FER1L5: variants seen among roughly 807,000 people sequenced by gnomAD.
FER1L5 encodes fer-1-like protein 5.
A neutral mutation model predicts 279.9 loss-of-function variants in FER1L5; 187 were observed. The observed-to-expected ratio is 0.67, with a 90% CI of 0.59 to 0.75. The LOEUF is 0.75. FER1L5 is among the 30% of genes least tolerant of loss of function. FER1L5 has a pLI of 0.00. For missense variants in FER1L5, 2,091 were observed against 2,594.4 expected (o/e 0.81, Z 4.21); for synonymous variants, 921 against 989.7 (o/e 0.93, Z 1.30).
intron 18 of FER1L5, among the ~76,000 whole-genome samples, chr2:96,671,666 A>G (rs2076333929): frequency 6.6e-6 from 1 of 152,214 alleles, no homozygotes; most frequent in African/African-American, 2.4e-5. Context: ...TTGCCTGAGG[A>G]GAGTAGGTGG....
At chr2:96,662,352 C>CCA (rs2075985073) in intron 13 of FER1L5, 85 bp downstream of exon 13, 5 of 1,238,486 alleles carry the variant, frequency 4.0e-6, no homozygotes. Context: ...GTGGGCAAGA[C>CCA]CACAGGAATC....
rs1239430867 is a variant in FER1L5 at position 96,691,254 on chromosome 2, G to T, written c.2808G>T (p.Lys936Asn). 3 of 1,550,336 alleles carry T rather than the reference G, an allele frequency of 1.9e-6. No individual in the cohort carries two copies. The highest frequency in any genetic ancestry group is 2.6e-6 in the Non-Finnish European group (3 of 1,146,892). ...GLPQVWSPVE[K>N]TYHSCRRRRW... ...CCCAGGTCTGGAGCCCGGTGGAGAA[G>T]ACCTACCACTCGTGCCGCCGCCGGC... Residue 936 changes from lysine (K) to asparagine (N), a missense_variant, in exon 28 of 53, where the codon AAG (lysine) becomes AAT (asparagine). Coordinates refer to ENST00000624922, the MANE Select transcript of FER1L5 (RefSeq NM_001293083.2). The surrounding 1 kb of genome is among the most constrained non-coding windows in gnomAD (Gnocchi z 6.0).
chr2:96,646,485 TAAC>T (rs776697779), intron 2 of FER1L5, 32 bp downstream of exon 2: 24 of 1,550,134 alleles, frequency 1.5e-5, no homozygotes, highest in South Asian at 2.4e-5. Context: ...GAAGAGGAAA[TAAC>T]AACCCCAACA....
At chr2:96,677,707 A>C (rs966867837) in intron 19 of FER1L5, among the ~76,000 whole-genome samples, 4 of 152,076 alleles carry the variant, frequency 2.6e-5, no homozygotes, top group Non-Finnish European at 5.9e-5. Context: ...CTCTACTAAA[A>C]ATACAAAATT....
intron 9 of FER1L5, among the ~76,000 whole-genome samples, chr2:96,659,345 C>CTTTT (rs1558853269): frequency 4.8e-5 from 4 of 83,316 alleles, no homozygotes; most frequent in South Asian, 8.5e-4. Flanking sequence ...TTCCTTCCTT[C>CTTTT]CTTCCTTCCT....
intron 37 of FER1L5, among the ~76,000 whole-genome samples, chr2:96,697,266 A>G: frequency 6.6e-6 from 1 of 152,162 alleles, no homozygotes; most frequent in East Asian, 1.9e-4. Context: ...GAGGTTCTGT[A>G]TTTCTGAGCC....
rs747663403 is a variant in FER1L5, at chr2:96,647,170, G to A, written c.230+15G>A. The A allele has an allele frequency of 9.0e-6, 14 of 1,551,214 alleles. No individual in the cohort carries two copies. In the South Asian group the frequency reaches 1.5e-4, roughly 17 times the overall value. On this transcript the variant is annotated intron_variant, in intron 3 of 52. Coordinates refer to ENST00000624922, the MANE Select transcript of FER1L5 (RefSeq NM_001293083.2). ...AAGAAAGAAAGGTGAGGCAGAGAGAGGCAGGAGGAGCCTAGCTCCTGACCA... is the reference window on the plus strand; with the variant it reads ...AAGAAAGAAAGGTGAGGCAGAGAGAAGCAGGAGGAGCCTAGCTCCTGACCA...
At chr2:96,662,308 C>G in intron 13 of FER1L5, 41 bp downstream of exon 13, 1 of 1,541,774 alleles carries the variant, frequency 6.5e-7, no homozygotes, top group Non-Finnish European at 8.8e-7. Flanking sequence ...AGATTGGCAT[C>G]TAGAGAAAGT....
intron 1 of FER1L5, 133 bp downstream of exon 1, chr2:96,643,054 C>A: frequency 1.4e-6 from 1 of 705,270 alleles, no homozygotes; most frequent in South Asian, 2.3e-5. Flanking sequence ...TAGACGTTGT[C>A]CAGCTCTCTC....
Position 96,697,768 on chromosome 2 carries a change from AG to A in FER1L5, c.4236+9del, listed in dbSNP as rs2077437761. 1 of 1,613,542 alleles carries A rather than the reference AG, an allele frequency of 6.2e-7. No homozygotes were observed. Among genetic ancestry groups the A allele is most frequent in the Non-Finnish European group, 8.5e-7 (1 of 1,179,594 alleles). On this transcript the variant is annotated splice_region_variant and intron_variant, in intron 39 of 52. Transcript: ENST00000624922. ...AGACTACCACACCCTCAAGGTTTGA[AG>A]GAGGGAAGAAATGGGATGGAATCAA...
Position 96,685,878 on chromosome 2 carries a change from G to C in FER1L5, c.1896-62G>C, listed in dbSNP as rs905920178. ...GGGCACGCTGGCCTAAGGCAGGGCA[G>C]GAATGGTGACACTGGGAGGCAGTAG... On this transcript the variant is annotated intron_variant, in intron 21 of 52. Coordinates refer to ENST00000624922, the MANE Select transcript of FER1L5 (RefSeq NM_001293083.2). 4 of 1,463,890 alleles carry C rather than the reference G, an allele frequency of 2.7e-6. No homozygotes were observed. In the African/African-American group the frequency reaches 5.7e-5, roughly 21 times the overall value. The allele number at this position is 1,463,890 out of a possible 1,614,324, so 90.7% of individuals were successfully genotyped here. A position where few individuals can be genotyped will look rare whatever the true frequency, so the allele number is the denominator to read the frequency against.
chr2:96,695,988 G>T (rs775824989), intron 36 of FER1L5, 64 bp from the exon 37 acceptor site: 118 of 1,605,928 alleles, frequency 7.3e-5, no homozygotes, highest in Non-Finnish European at 9.7e-5. Context: ...ACCCCGTGGG[G>T]TTGGTGCTTC....
chr2:96,668,770 A>G lies in FER1L5; in HGVS notation c.1160A>G (p.Tyr387Cys), dbSNP rs2076218249. The G allele has an allele frequency of 1.3e-6, 2 of 1,551,460 alleles. No homozygotes were observed. The highest frequency in any genetic ancestry group is 1.2e-5 in the South Asian group (1 of 84,052). Reference sequence around the variant, plus strand: ...CCACAGCTACCCTGCCTCTCCAGCTACATCAAGTTCAGAGTCTTGGACTGG... The same window carrying G: ...CCACAGCTACCCTGCCTCTCCAGCTGCATCAAGTTCAGAGTCTTGGACTGG... ...FRIQLPCLSS[Y>C]IKFRVLDCRK... Residue 387 changes from tyrosine to cysteine, a missense_variant, in exon 15 of 53, where the codon TAC (tyrosine) becomes TGC (cysteine). Physicochemically the swap from Tyr to Cys is radical, Grantham distance 194. Transcript: ENST00000624922.
At chr2:96,667,980 C>T (rs966040471) in intron 14 of FER1L5, among the ~76,000 whole-genome samples, 1 of 152,128 alleles carries the variant, frequency 6.6e-6, no homozygotes, top group Non-Finnish European at 1.5e-5. Context: ...CCCACCTCAG[C>T]CTCCTGAGTA....
At chr2:96,663,134 T>C (rs192667155) in intron 13 of FER1L5, among the ~76,000 whole-genome samples, 1 of 152,346 alleles carries the variant, frequency 6.6e-6, no homozygotes, top group East Asian at 1.9e-4. Context: ...TCTAGCAAAA[T>C]ATATGTCTAT....
At chr2:96,650,911 A>T (rs2075333820) in intron 6 of FER1L5, among the ~76,000 whole-genome samples, 1 of 152,030 alleles carries the variant, frequency 6.6e-6, no homozygotes, top group South Asian at 2.1e-4. Context: ...CCCCCTCGCC[A>T]CTTCTGTTCC....
chr2:96,659,713 G>A (rs1358038157), intron 9 of FER1L5, among the ~76,000 whole-genome samples: 1 of 151,264 alleles, frequency 6.6e-6, no homozygotes, highest in South Asian at 2.1e-4. Flanking sequence ...GGATGGTCTC[G>A]ATCTCCTGAC....
rs946672043 is a variant in FER1L5, at chr2:96,669,407, G to C, written c.1362+270G>C. On this transcript the variant is annotated intron_variant, in intron 17 of 52. Transcript: ENST00000624922. Reference sequence around the variant, plus strand: ...GATTTTCAGCAGGTGGGAAGGGCGCGAAGGACGGAGGACACAGCACAGGCA... The same window carrying C: ...GATTTTCAGCAGGTGGGAAGGGCGCCAAGGACGGAGGACACAGCACAGGCA... Among the ~76,000 whole-genome samples the C allele has an allele frequency of 2.6e-5, 4 of 152,320 alleles. No individual in the cohort carries two copies. In the South Asian group the frequency reaches 8.3e-4, roughly 32 times the overall value.
intron 8 of FER1L5, 158 bp downstream of exon 8, chr2:96,653,860 C>T (rs2075485927): frequency 3.3e-6 from 2 of 611,054 alleles, no homozygotes; most frequent in East Asian, 5.7e-5. Context: ...CCAGATTATT[C>T]ATTCATTTAC....
Sources: allele counts gnomAD v4.1 joint callset (sites outside exome capture counted in the v4.1 genomes callset), GRCh38; gene constraint gnomAD v4.1.1; non-coding constraint Gnocchi (gnomAD v3.1); transcripts MANE v1.5; gene names NCBI Gene and HGNC (gene_info 2026-07-23, HGNC 2026-07-21).